Variants in ATP1A4 observed in about 807,000 individuals in gnomAD.
The protein encoded by ATP1A4 is sodium/potassium-transporting ATPase subunit alpha-4.
In ATP1A4, 90 loss-of-function variants were observed where a neutral mutation model predicts 114.3. The observed-to-expected ratio is 0.79, with a 90% CI of 0.66 to 0.94. The LOEUF is 0.94. Among genes scored for constraint, ATP1A4 ranks in the 40% least tolerant of loss-of-function variants. ATP1A4 has a pLI of 0.00. For missense variants in ATP1A4, 1,222 were observed against 1,313.6 expected (o/e 0.93, Z 1.08); for synonymous variants, 511 against 494.1 (o/e 1.03, Z -0.45).
rs1329031046 is a variant in ATP1A4, at chr1:160,159,105, A to T, written c.629A>T (p.Asp210Val). 1 of 1,613,894 alleles carries T rather than the reference A, an allele frequency of 6.2e-7. No homozygotes were observed. The highest frequency in any genetic ancestry group is 1.1e-5 in the South Asian group (1 of 91,044). ...EIKGGDRVPA[D>V]LRLISAQGCK... The stretch of plus-strand genomic sequence containing the variant: ...AAGGGTGGAGACCGAGTCCCTGCTG[A>T]CCTCCGGCTTATCTCTGCACAAGGA... Residue 210 changes from aspartate to valine, a missense_variant, in exon 5 of 22, where the codon GAC (aspartate) becomes GTC (valine). Physicochemically the swap from Asp to Val is radical, Grantham distance 152 (BLOSUM62 -3). Coordinates refer to ENST00000368081, the MANE Select transcript of ATP1A4 (RefSeq NM_144699.4).
rs1010701522 is a variant in ATP1A4, at chr1:160,155,332, A to T, written c.411+84A>T. ...TTGCTCAGCAGCCTAGCACTCCTGA[A>T]GTCCTCTGGCCCAAATCCCTAATTA... On this transcript the variant is annotated intron_variant, in intron 3 of 21. Transcript: ENST00000368081. 6.5e-6 allele frequency: 7 copies of T among 1,072,986 alleles called. No individual in the cohort carries two copies. In the African/African-American group the frequency reaches 9.4e-5, roughly 14 times the overall value. 66.5% of individuals were successfully genotyped at this position (1,072,986 alleles called of 1,614,324 possible). A position where few individuals can be genotyped will look rare whatever the true frequency, so the allele number is the denominator to read the frequency against.
chr1:160,178,991 C>A (rs1338277981), intron 18 of ATP1A4, among the ~76,000 whole-genome samples: 1 of 152,210 alleles, frequency 6.6e-6, no homozygotes, highest in Non-Finnish European at 1.5e-5. Context: ...AGATGAGGAA[C>A]CTGATCTAGG....
Position 160,155,206 on chromosome 1 carries a change from C to T in ATP1A4, c.369C>T (p.Tyr123=), listed in dbSNP as rs758036795. 2.5e-6 allele frequency: 4 copies of T among 1,613,484 alleles called. No individual in the cohort carries two copies. The highest frequency in any genetic ancestry group is 2.7e-5 in the African/African-American group (2 of 74,740). ...WTGAILCFVA[Y]SIQIYFNEEP... ...GGGCCATTCTCTGCTTTGTGGCCTA[C>T]AGCATCCAGATATATTTCAATGAGG... The change falls in exon 3 of 22, where the codon TAC becomes TAT. Residue 123 remains tyrosine (Y), a synonymous_variant. Transcript: ENST00000368081.
intron 20 of ATP1A4, among the ~76,000 whole-genome samples, chr1:160,184,200 C>G (rs948585076): frequency 1.3e-5 from 2 of 152,090 alleles, no homozygotes; most frequent in Non-Finnish European, 2.9e-5. Context: ...ATCCGCCTGC[C>G]TCTGCCTCCC....
In ATP1A4 at chr1:160,153,231, A is replaced by G; in HGVS notation, c.207+7A>G. On this transcript the variant is annotated splice_region_variant and intron_variant, in intron 2 of 21. Coordinates refer to ENST00000368081, the MANE Select transcript of ATP1A4 (RefSeq NM_144699.4). ...CTCCGTGGACCTGACAAAGGTGAGT[A>G]AGAAGCTCCCTGAGGAGGCAGAGAG... 6.2e-7 allele frequency: 1 copy of G among 1,613,174 alleles called. No homozygotes were observed. The highest frequency in any genetic ancestry group is 1.3e-5 in the African/African-American group (1 of 75,024).
In ATP1A4 at chr1:160,167,915, G is replaced by A. The variant is rs149436903; in HGVS notation, c.1491+503G>A. 2.1e-3 allele frequency among the ~76,000 whole-genome samples: 322 copies of A among 152,310 alleles called. 1 individual carries two copies. The highest frequency in any genetic ancestry group is 7.2e-3 in the African/African-American group (298 of 41,564). On this transcript the variant is annotated intron_variant, in intron 10 of 21. Coordinates refer to ENST00000368081, the MANE Select transcript of ATP1A4 (RefSeq NM_144699.4). ...ATCAGGAGTCTCTGCCTCCATTGGC[G>A]CCTGACCCTCTCCCCTGTGTGTCTT...
rs369914363 is a variant in ATP1A4 at position 160,164,235 on chromosome 1, G to A, written c.858G>A (p.Ala286=). ...GRIASLTSGL[A]VGQTPIAAEI... ...TTGCCTCCCTGACGTCAGGCCTGGC[G>A]GTTGGCCAGACACCTATCGCTGCTG... Residue 286 remains alanine, a synonymous_variant, in exon 7 of 22, where the codon GCG becomes GCA. Coordinates refer to ENST00000368081, the MANE Select transcript of ATP1A4 (RefSeq NM_144699.4). 102 of 1,614,080 alleles carry A rather than the reference G, an allele frequency of 6.3e-5. No individual in the cohort carries two copies. The highest frequency in any genetic ancestry group is 8.1e-5 in the Non-Finnish European group (95 of 1,180,034).
chr1:160,185,992 G>A (rs980506743), intron 20 of ATP1A4, among the ~76,000 whole-genome samples: 3 of 146,848 alleles, frequency 2.0e-5, no homozygotes, highest in Admixed American at 1.4e-4. Flanking sequence ...CTACTCAGGA[G>A]GCTAAGGCAT....
intron 4 of ATP1A4, among the ~76,000 whole-genome samples, chr1:160,157,329 C>T (rs1035950804): frequency 1.3e-5 from 2 of 152,130 alleles, no homozygotes; most frequent in Non-Finnish European, 2.9e-5. Flanking sequence ...TCTGTCCTCA[C>T]GCTCCTCCCA....
intron 14 of ATP1A4, 109 bp downstream of exon 14, chr1:160,174,370 A>G (rs1653378924): frequency 6.7e-7 from 1 of 1,484,556 alleles, no homozygotes; most frequent in South Asian, 1.3e-5. Flanking sequence ...GACTCCAGAG[A>G]GTACCCCATC....
intron 18 of ATP1A4, among the ~76,000 whole-genome samples, chr1:160,179,171 G>A (rs560796853): frequency 1.4e-4 from 22 of 152,278 alleles, no homozygotes; most frequent in African/African-American, 5.3e-4. Flanking sequence ...TTGGGAAGGT[G>A]CCCCTCACAT....
chr1:160,167,311 C>G lies in ATP1A4; in HGVS notation c.1390C>G (p.Leu464Val). 6.2e-7 allele frequency: 1 copy of G among 1,609,792 alleles called. No homozygotes were observed. Among genetic ancestry groups the G allele is most frequent in the Non-Finnish European group, 8.5e-7 (1 of 1,178,870 alleles). Residue 464 changes from leucine to valine, a missense_variant, in exon 10 of 22, where the codon CTC becomes GTC. Physicochemically the swap from Leu to Val is conservative, Grantham distance 32. Transcript: ENST00000368081. Reference sequence around the variant, plus strand: ...AACAGGTGATGCTTCCGAGTCAGCCCTCCTCAAGTTCATCGAGCAGTCTTA... The same window carrying G: ...AACAGGTGATGCTTCCGAGTCAGCCGTCCTCAAGTTCATCGAGCAGTCTTA... Reference protein sequence around the residue: ...ATTGDASESALLKFIEQSYSS... With the variant: ...ATTGDASESAVLKFIEQSYSS...
chr1:160,178,853 G>C (rs1030776028), intron 18 of ATP1A4, among the ~76,000 whole-genome samples: 1 of 152,172 alleles, frequency 6.6e-6, no homozygotes, highest in African/African-American at 2.4e-5. Flanking sequence ...ATTTTAGTAG[G>C]TATGCTTTTT....
In ATP1A4 at chr1:160,151,970, C is replaced by T. The variant is rs1652470285; in HGVS notation, c.-71C>T. 1.3e-6 allele frequency: 2 copies of T among 1,549,478 alleles called. No individual in the cohort carries two copies. The highest frequency in any genetic ancestry group is 2.3e-5 in the East Asian group (1 of 44,392). ...GCCCCCTTGCCCGCGCGCCCTCTTCCCTTCCCCTTGCCTCACTCTCTCAGC... is the reference window on the plus strand; with the variant it reads ...GCCCCCTTGCCCGCGCGCCCTCTTCTCTTCCCCTTGCCTCACTCTCTCAGC... On this transcript the variant is annotated 5_prime_UTR_variant, in exon 1 of 22. Coordinates refer to ENST00000368081, the MANE Select transcript of ATP1A4 (RefSeq NM_144699.4).
At position 160,176,466 on chromosome 1, in the gene ATP1A4, C is replaced by T; in HGVS notation, c.2467-13C>T. On this transcript the variant is annotated splice_polypyrimidine_tract_variant and intron_variant, in intron 16 of 21. Transcript: ENST00000368081. ...CTTTGTGACCCCTGTCATCCCCACC[C>T]TCCATCCTCCAGGTCCCTGCCATCT... The T allele has an allele frequency of 6.2e-7, 1 of 1,614,168 alleles. No homozygotes were observed. The highest frequency in any genetic ancestry group is 8.5e-7 in the Non-Finnish European group (1 of 1,180,006).
Position 160,167,357 on chromosome 1 carries a change from G to A in ATP1A4, c.1436G>A (p.Arg479Lys), listed in dbSNP as rs748483098. The part of the protein sequence containing the change: ...EQSYSSVAEM[R>K]EKNPKVAEIP... ...TCTTACAGCTCTGTGGCGGAGATGA[G>A]AGAGAAAAACCCCAAGGTGGCAGAG... The change falls in exon 10 of 22, where the codon AGA becomes AAA. Residue 479 changes from arginine (R) to lysine (K), a missense_variant. Transcript: ENST00000368081. The A allele has an allele frequency of 1.6e-5, 25 of 1,612,050 alleles. No individual in the cohort carries two copies. The South Asian group carries it at 2.2e-4, about 14-fold the overall frequency.
intron 6 of ATP1A4, among the ~76,000 whole-genome samples, chr1:160,163,596 C>G (rs1451699013): frequency 6.6e-6 from 1 of 152,186 alleles, no homozygotes; most frequent in African/African-American, 2.4e-5. Flanking sequence ...CATGGAGGAG[C>G]GTCTGTGCCC....
chr1:160,182,023 C>T lies in ATP1A4; in HGVS notation c.2961C>T (p.Tyr987=). 1 of 1,613,356 alleles carries T rather than the reference C, an allele frequency of 6.2e-7. No individual in the cohort carries two copies. The highest frequency in any genetic ancestry group is 1.1e-5 in the South Asian group (1 of 91,064). The part of the protein sequence containing the change: ...TPGMDVALRM[Y]PLKITWWLCA... The stretch of plus-strand genomic sequence containing the variant: ...GCATGGACGTGGCCCTGCGAATGTA[C>T]CCACTCAAGTGAGTAAGGGAAGGGA... The change falls in exon 20 of 22, where the codon TAC becomes TAT. Residue 987 remains tyrosine, a synonymous_variant. Transcript: ENST00000368081.
intron 20 of ATP1A4, among the ~76,000 whole-genome samples, chr1:160,184,912 G>A (rs1184816163): frequency 2.0e-5 from 3 of 152,026 alleles, no homozygotes; most frequent in East Asian, 1.9e-4. Context: ...TATATTCGCC[G>A]ACAAAGTATC....
Sources: allele counts gnomAD v4.1 joint callset (sites outside exome capture counted in the v4.1 genomes callset), GRCh38; gene constraint gnomAD v4.1.1; transcripts MANE v1.5; gene names NCBI Gene and HGNC (gene_info 2026-07-23, HGNC 2026-07-21).